ABI3: variants seen among roughly 807,000 people sequenced by gnomAD.
The protein encoded by ABI3 is ABI family member 3.
Under a neutral mutation model 37.0 loss-of-function variants are expected in ABI3, and 24 were observed. The observed-to-expected ratio is 0.65, with a 90% confidence interval of 0.47 to 0.91. The LOEUF is 0.91. Among genes scored for constraint, ABI3 ranks in the 40% least tolerant of loss-of-function variants. The pLI is 0.00. For missense variants in ABI3, 481 were observed against 485.1 expected (o/e 0.99, Z 0.08); for synonymous variants, 220 against 211.8 (o/e 1.04, Z -0.34).
rs2043308035 is a variant in ABI3 at position 49,222,822 on chromosome 17, G to A, written c.*107G>A. The A allele has an allele frequency of 3.1e-6, 4 of 1,287,554 alleles. No homozygotes were observed. The African/African-American group carries it at 4.4e-5, about 14-fold the overall frequency. 79.8% of individuals were successfully genotyped at this position (1,287,554 alleles called of 1,614,324 possible). On this transcript the variant is annotated 3_prime_UTR_variant, in exon 8 of 8. Coordinates refer to ENST00000225941, the MANE Select transcript of ABI3 (RefSeq NM_016428.3). Reference sequence around the variant, plus strand: ...CTGGACTGGGTCTGCCCACCTCTTGGGCTGTGAGCTGTGTTCTGTCCTTCC... The same window carrying A: ...CTGGACTGGGTCTGCCCACCTCTTGAGCTGTGAGCTGTGTTCTGTCCTTCC...
rs765243659 is a variant in ABI3, at chr17:49,219,877, G to A, written c.568G>A (p.Glu190Lys). ...ATLGRPPRIP[E>K]PVHLPVVPDG... is the part of the protein sequence containing the mutation. ...CGCCAGGAGACCACCCCGGATTCCCGAGCCAGTGCACCTGCCGGTGGTGCC... is the reference window on the plus strand; with the variant it reads ...CGCCAGGAGACCACCCCGGATTCCCAAGCCAGTGCACCTGCCGGTGGTGCC... The change falls in exon 5 of 8, where the codon GAG becomes AAG. Residue 190 changes from glutamate (E) to lysine (K), a missense_variant. Coordinates refer to ENST00000225941, the MANE Select transcript of ABI3 (RefSeq NM_016428.3). The surrounding 1 kb of genome is among the most constrained non-coding windows in gnomAD (Gnocchi z 4.3). 2 of 1,546,992 alleles carry A rather than the reference G, an allele frequency of 1.3e-6. No individual in the cohort carries two copies. The highest frequency in any genetic ancestry group is 1.7e-6 in the Non-Finnish European group (2 of 1,151,630).
At chr17:49,215,290 G>T (rs377530453) in intron 1 of ABI3, among the ~76,000 whole-genome samples, 1 of 152,188 alleles carries the variant, frequency 6.6e-6, no homozygotes, top group East Asian at 1.9e-4. Flanking sequence ...GATTAAAGGG[G>T]ATGAAGGTGA....
Position 49,210,954 on chromosome 17 carries a change from C to A in ABI3, c.117+113C>A. The A allele has an allele frequency of 1.2e-6, 1 of 823,676 alleles. No homozygotes were observed. Among genetic ancestry groups the A allele is most frequent in the Non-Finnish European group, 1.9e-6 (1 of 530,166 alleles). 51.0% of individuals were successfully genotyped at this position (823,676 alleles called of 1,614,324 possible). A position where few individuals can be genotyped will look rare whatever the true frequency, so the allele number is the denominator to read the frequency against. ...TGACAGTGCTTGTCCTGGGCCTTGG[C>A]TGAGAAATCCTCCCATTCCAGGCTT... On this transcript the variant is annotated intron_variant, in intron 1 of 7. Transcript: ENST00000225941. This position sits in a 1 kb window ranked among gnomAD's most constrained non-coding sequence, Gnocchi z 4.2.
chr17:49,217,634 T>C (rs888152535), intron 2 of ABI3, 105 bp from the exon 3 acceptor site: 1 of 1,077,304 alleles, frequency 9.3e-7, no homozygotes, highest in Non-Finnish European at 1.3e-6. Flanking sequence ...TTTCTAGACC[T>C]GGCTGCCTCC....
In ABI3 at chr17:49,220,307, G is replaced by A; in HGVS notation, c.783G>A (p.Glu261=). Residue 261 remains glutamate, a synonymous_variant, in exon 6 of 8, where the codon GAG becomes GAA. Coordinates refer to ENST00000225941, the MANE Select transcript of ABI3 (RefSeq NM_016428.3). ...EVFQRPPTLE[E]LSPPPPDEEL... ...TCCAGCGGCCTCCCACGCTGGAGGA[G>A]TTGTCCCCACCCCCACCGGGTAAGG... The A allele has an allele frequency of 1.9e-6, 3 of 1,593,846 alleles. No individual in the cohort carries two copies. Among genetic ancestry groups the A allele is most frequent in the Non-Finnish European group, 2.6e-6 (3 of 1,170,568 alleles).
At chr17:49,220,892 A>AAAC (rs1473411462) in intron 6 of ABI3, among the ~76,000 whole-genome samples, 5 of 139,700 alleles carry the variant, frequency 3.6e-5, no homozygotes, top group Admixed American at 1.4e-4. Flanking sequence ...TAATAATAAT[A>AAAC]AACTTAATCC....
chr17:49,215,498 T>C (rs1433308064), intron 1 of ABI3, among the ~76,000 whole-genome samples: 2 of 151,506 alleles, frequency 1.3e-5, no homozygotes, highest in Non-Finnish European at 2.9e-5. Flanking sequence ...GGAAAGCTTT[T>C]TTTTTTGGTT....
rs960262020 is a variant in ABI3 at position 49,210,948 on chromosome 17, C to T, written c.117+107C>T. 4.7e-5 allele frequency: 43 copies of T among 905,852 alleles called. No individual in the cohort carries two copies. Among genetic ancestry groups the T allele is most frequent in the Non-Finnish European group, 5.8e-5 (35 of 603,038 alleles). The allele number at this position is 905,852 out of a possible 1,614,324, so 56.1% of individuals were successfully genotyped here. On this transcript the variant is annotated intron_variant, in intron 1 of 7. Coordinates refer to ENST00000225941, the MANE Select transcript of ABI3 (RefSeq NM_016428.3). This position sits in a 1 kb window ranked among gnomAD's most constrained non-coding sequence, Gnocchi z 4.2. ...CCATCCTGACAGTGCTTGTCCTGGGCCTTGGCTGAGAAATCCTCCCATTCC... is the reference window on the plus strand; with the variant it reads ...CCATCCTGACAGTGCTTGTCCTGGGTCTTGGCTGAGAAATCCTCCCATTCC...
At chr17:49,220,077 G>T in intron 5 of ABI3, 92 bp from the exon 6 acceptor site, 1 of 1,584,018 alleles carries the variant, frequency 6.3e-7, no homozygotes, top group Non-Finnish European at 8.6e-7. Flanking sequence ...GGTCACACGT[G>T]CAGGGCTGGG....
chr17:49,210,791 C>T lies in ABI3; in HGVS notation c.67C>T (p.His23Tyr), dbSNP rs1040672383. 4 of 1,556,132 alleles carry T rather than the reference C, an allele frequency of 2.6e-6. No individual in the cohort carries two copies. In the African/African-American group the frequency reaches 4.1e-5, roughly 16 times the overall value. ...PTGREALRGNHSALLRVADYC... is the reference protein window; with the variant it reads ...PTGREALRGNYSALLRVADYC... Reference sequence around the variant, plus strand: ...TGGCCGGGAGGCTCTGAGGGGCAACCACAGTGCCCTGCTGCGGGTCGCTGA... The same window carrying T: ...TGGCCGGGAGGCTCTGAGGGGCAACTACAGTGCCCTGCTGCGGGTCGCTGA... The change falls in exon 1 of 8, where the codon CAC becomes TAC. Residue 23 changes from histidine to tyrosine, a missense_variant. Transcript: ENST00000225941. This position sits in a 1 kb window ranked among gnomAD's most constrained non-coding sequence, Gnocchi z 4.2.
chr17:49,221,269 G>A (rs2043284052), intron 6 of ABI3, among the ~76,000 whole-genome samples: 1 of 151,752 alleles, frequency 6.6e-6, no homozygotes, highest in Non-Finnish European at 1.5e-5. Flanking sequence ...AGGAGATCGA[G>A]ACCATCCTGG....
At position 49,210,924 on chromosome 17, in the gene ABI3, C is replaced by A; in HGVS notation, c.117+83C>A. Reference sequence around the variant, plus strand: ...CTGCCCCAAGTGGGGCCCTGGGACCCATCCTGACAGTGCTTGTCCTGGGCC... The same window carrying A: ...CTGCCCCAAGTGGGGCCCTGGGACCAATCCTGACAGTGCTTGTCCTGGGCC... On this transcript the variant is annotated intron_variant, in intron 1 of 7. Transcript: ENST00000225941. This position sits in a 1 kb window ranked among gnomAD's most constrained non-coding sequence, Gnocchi z 4.2. 1 of 1,153,952 alleles carries A rather than the reference C, an allele frequency of 8.7e-7. No individual in the cohort carries two copies. The highest frequency in any genetic ancestry group is 1.2e-6 in the Non-Finnish European group (1 of 811,980). The allele number at this position is 1,153,952 out of a possible 1,614,324, so 71.5% of individuals were successfully genotyped here.
chr17:49,217,644 C>A (rs2043233932), intron 2 of ABI3, 95 bp from the exon 3 acceptor site: 13 of 1,201,318 alleles, frequency 1.1e-5, no homozygotes, highest in African/African-American at 4.8e-5. Flanking sequence ...TGGCTGCCTC[C>A]CCCCCCCAGC....
intron 1 of ABI3, among the ~76,000 whole-genome samples, 178 bp from the exon 2 acceptor site, chr17:49,216,353 G>A (rs1270680710): frequency 1.3e-5 from 2 of 151,994 alleles, no homozygotes; most frequent in East Asian, 1.9e-4. Context: ...TTAAAGTGAT[G>A]TTGTAGCAAG....
intron 1 of ABI3, among the ~76,000 whole-genome samples, chr17:49,216,140 C>T (rs1026317578): frequency 6.6e-6 from 1 of 150,378 alleles, no homozygotes; most frequent in Non-Finnish European, 1.5e-5. Context: ...AGAATGTCTG[C>T]TCTAGCCAGT....
intron 6 of ABI3, 121 bp downstream of exon 6, chr17:49,220,447 C>T (rs772976916): frequency 1.9e-5 from 25 of 1,304,130 alleles, no homozygotes; most frequent in East Asian, 7.6e-5. Flanking sequence ...CTCCAAGGAG[C>T]GCAGCACAGG....
rs769567980 is a variant in ABI3 at position 49,220,210 on chromosome 17, A to G, written c.686A>G (p.Gln229Arg). The G allele has an allele frequency of 2.5e-6, 4 of 1,612,382 alleles. No homozygotes were observed. Among genetic ancestry groups the G allele is most frequent in the Middle Eastern group, 2.0e-4 (1 of 5,056 alleles). The part of the protein sequence containing the change: ...GVGGAPTPKG[Q>R]AAPPAPPLPS... ...GGTGGGGCCCCCACGCCCAAGGGGC[A>G]GGCAGCACCTCCAGCCCCACCTCTC... The change falls in exon 6 of 8, where the codon CAG becomes CGG. Residue 229 changes from glutamine to arginine, a missense_variant. Physicochemically the swap from Gln to Arg is conservative, Grantham distance 43 (BLOSUM62 1). Coordinates refer to ENST00000225941, the MANE Select transcript of ABI3 (RefSeq NM_016428.3).
chr17:49,220,862 A>G (rs935258146), intron 6 of ABI3, among the ~76,000 whole-genome samples: 138 of 142,208 alleles, frequency 9.7e-4, no homozygotes, highest in Middle Eastern at 3.9e-3. Flanking sequence ...TAATAATAAT[A>G]ATAATAATAA....
intron 6 of ABI3, 107 bp downstream of exon 6, chr17:49,220,433 C>T: frequency 7.1e-7 from 1 of 1,405,778 alleles, no homozygotes; most frequent in Non-Finnish European, 9.6e-7. Context: ...TCAGTGAATG[C>T]CTCCTCCAAG....
Sources: gnomAD v4.1 joint callset for allele counts (sites outside exome capture counted in the v4.1 genomes callset) on GRCh38, gnomAD v4.1.1 for gene constraint, Gnocchi (gnomAD v3.1) non-coding constraint, MANE v1.5 for transcripts, NCBI Gene and HGNC (gene_info 2026-07-23, HGNC 2026-07-21) for gene names.